Variants in RTN4RL1 observed in about 807,000 individuals in gnomAD.
The protein encoded by RTN4RL1 is reticulon-4 receptor-like 1.
Under a neutral mutation model 25.6 loss-of-function variants are expected in RTN4RL1, and 7 were observed. That is an observed-to-expected ratio of 0.27 (90% CI 0.16 to 0.51). RTN4RL1 has a LOEUF of 0.51. Ranked by LOEUF, RTN4RL1 falls within the 20% of genes least tolerant of loss-of-function variation. RTN4RL1 has a pLI of 0.97. For missense variants in RTN4RL1, 500 were observed against 615.6 expected (o/e 0.81, Z 1.99); for synonymous variants, 297 against 288.2 (o/e 1.03, Z -0.31).
At chr17:1,955,728 C>T (rs1915778615) in intron 1 of RTN4RL1, among the ~76,000 whole-genome samples, 1 of 151,732 alleles carries the variant, frequency 6.6e-6, no homozygotes, top group Admixed American at 6.6e-5. Flanking sequence ...GGATTACAGG[C>T]GCCCACCACC....
intron 1 of RTN4RL1, among the ~76,000 whole-genome samples, chr17:2,015,960 G>A (rs2067116733): frequency 6.6e-6 from 1 of 152,186 alleles, no homozygotes; most frequent in African/African-American, 2.4e-5. Flanking sequence ...CCTCCAAGCT[G>A]GAGGGGCGGC....
Position 1,936,432 on chromosome 17 carries a change from G to A in RTN4RL1, c.*64C>T, listed in dbSNP as rs1915304712. ...GCAGATCTTCCACTTGTTAAAAAAA[G>A]AAGAAAATAAATTCTGTTCCTTGGT... On this transcript the variant is annotated 3_prime_UTR_variant, in exon 2 of 2. Transcript: ENST00000331238. 2 of 1,471,776 alleles carry A rather than the reference G, an allele frequency of 1.4e-6. No homozygotes were observed. The highest frequency in any genetic ancestry group is 2.6e-5 in the Admixed American group (1 of 37,972). The allele number at this position is 1,471,776 out of a possible 1,614,324, so 91.2% of individuals were successfully genotyped here.
intron 1 of RTN4RL1, among the ~76,000 whole-genome samples, chr17:1,953,725 C>T (rs1203129862): frequency 2.0e-5 from 3 of 152,134 alleles, no homozygotes; most frequent in South Asian, 2.1e-4. Context: ...CCACCAAGCT[C>T]GGTTAATTTT....
At position 2,002,356 on chromosome 17, in the gene RTN4RL1, G is replaced by T. The variant is rs571318455; in HGVS notation, c.13+22497C>A. Among the ~76,000 whole-genome samples the T allele has an allele frequency of 1.0e-4, 15 of 149,548 alleles. No homozygotes were observed. The South Asian group carries it at 2.1e-3, about 21-fold the overall frequency. On this transcript the variant is annotated intron_variant, in intron 1 of 1. Transcript: ENST00000331238. ...CGCCCAGGCTGGAGTGCAGTGGCGC[G>T]ATCTCGGCTCACTGCAAGCTCCGCC... is the stretch of plus-strand genomic sequence containing the variant.
At chr17:1,937,832 C>T (rs1233994356) in intron 1 of RTN4RL1, 24 bp from the exon 2 acceptor site, 1 of 1,544,840 alleles carries the variant, frequency 6.5e-7, no homozygotes. Flanking sequence ...AGAGCACAGC[C>T]AGGTCAGGGG....
chr17:2,001,506 A>C (rs1181051460), intron 1 of RTN4RL1: 1 of 152,158 alleles, frequency 6.6e-6, no homozygotes, highest in Non-Finnish European at 1.5e-5. Context: ...TCGGCCTCCC[A>C]AAGTGCTGGG....
intron 1 of RTN4RL1, among the ~76,000 whole-genome samples, chr17:1,967,551 TCTTCGAGCC>T (rs529646805): frequency 3.6e-3 from 542 of 149,582 alleles, no homozygotes; most frequent in South Asian, 6.9e-3. Flanking sequence ...GGCCTCTCCC[TCTTCGAGCC>T]CTACACCTGG....
chr17:1,984,008 C>T (rs938708935), intron 1 of RTN4RL1, among the ~76,000 whole-genome samples: 8 of 152,162 alleles, frequency 5.3e-5, no homozygotes, highest in African/African-American at 1.7e-4. Context: ...GCCCTGAGGC[C>T]GAGGAAACCC....
rs145224128 is a variant in RTN4RL1, at chr17:1,961,500, G to A, written c.14-23692C>T. On this transcript the variant is annotated intron_variant, in intron 1 of 1. Transcript: ENST00000331238. ...TCCCACAGAGAGAACATTTAACACA[G>A]GTCTGGGAGTTGGGTTTGATACAAC... Among the ~76,000 whole-genome samples the A allele has an allele frequency of 5.3e-5, 8 of 152,212 alleles. No homozygotes were observed. The East Asian group carries it at 1.5e-3, about 29-fold the overall frequency.
chr17:2,021,552 T>C (rs1350865457), intron 1 of RTN4RL1, among the ~76,000 whole-genome samples: 1 of 36,752 alleles, frequency 2.7e-5, no homozygotes, highest in Non-Finnish European at 5.4e-5. Context: ...ATCCTATACC[T>C]TTTTTTTTTT....
chr17:1,945,507 A>T (rs4790846), intron 1 of RTN4RL1, among the ~76,000 whole-genome samples: 28,034 of 152,016 alleles, frequency 0.18, 2,652 homozygotes, highest in Admixed American at 0.2. Context: ...GGTGTGAGCC[A>T]CTGCGCCCAG....
In RTN4RL1 at chr17:2,007,337, A is replaced by ACACACACACACACACACAC. The variant is rs1352398594; in HGVS notation, c.13+17515_13+17516insGTGTGTGTGTGTGTGTGTG. ...AGACCTAGGCCATGTTCACAGCCCCAACACACACACACACACACACACACA... is the reference window on the plus strand; with the variant it reads ...AGACCTAGGCCATGTTCACAGCCCCACACACACACACACACACACACACACACACACACACACACACACA... On this transcript the variant is annotated intron_variant, in intron 1 of 1. Transcript: ENST00000331238. Among the ~76,000 whole-genome samples the ACACACACACACACACACAC allele has an allele frequency of 4.7e-4, 66 of 140,404 alleles. 1 individual carries two copies. The highest frequency in any genetic ancestry group is 1.4e-3 in the African/African-American group (52 of 36,936). 92.1% of individuals were successfully genotyped at this position (140,404 alleles called of 152,430 possible). A position where few individuals can be genotyped will look rare whatever the true frequency, so the allele number is the denominator to read the frequency against.
At chr17:2,021,745 G>C (rs2067207218) in intron 1 of RTN4RL1, among the ~76,000 whole-genome samples, 4 of 151,378 alleles carry the variant, frequency 2.6e-5, no homozygotes, top group African/African-American at 9.7e-5. Context: ...AGTAGAGACG[G>C]GGTTTCACCA....
intron 1 of RTN4RL1, among the ~76,000 whole-genome samples, chr17:1,975,773 T>C (rs1218904691): frequency 1.3e-5 from 2 of 152,130 alleles, no homozygotes; most frequent in African/African-American, 4.8e-5. Flanking sequence ...CCCTGCACCA[T>C]TTGCAGATTT....
chr17:1,936,938 A>C lies in RTN4RL1; in HGVS notation c.884T>G (p.Leu295Arg). Residue 295 changes from leucine to arginine, a missense_variant, in exon 2 of 2, where the codon CTG (leucine) becomes CGG (arginine). Coordinates refer to ENST00000331238, the MANE Select transcript of RTN4RL1 (RefSeq NM_178568.4). Reference sequence around the variant, plus strand: ...GTTCCGGAAGTCCTCGGCCCTCAGCAGCTTCAGGTCCTGGCCGTGCCGCAG... The same window carrying C: ...GTTCCGGAAGTCCTCGGCCCTCAGCCGCTTCAGGTCCTGGCCGTGCCGCAG... Reference protein sequence around the residue: ...PGLRHGQDLKLLRAEDFRNCT... With the variant: ...PGLRHGQDLKRLRAEDFRNCT... 1 of 1,610,346 alleles carries C rather than the reference A, an allele frequency of 6.2e-7. No individual in the cohort carries two copies. Among genetic ancestry groups the C allele is most frequent in the Non-Finnish European group, 8.5e-7 (1 of 1,179,166 alleles).
At chr17:1,949,721 A>G (rs1915636107) in intron 1 of RTN4RL1, among the ~76,000 whole-genome samples, 1 of 152,132 alleles carries the variant, frequency 6.6e-6, no homozygotes, top group South Asian at 2.1e-4. Flanking sequence ...TGGGGCCTAC[A>G]TTCTCCTGGG....
intron 1 of RTN4RL1, among the ~76,000 whole-genome samples, chr17:1,988,800 AG>A (rs1291239854): frequency 6.6e-6 from 1 of 150,816 alleles, no homozygotes; most frequent in Non-Finnish European, 1.5e-5. Context: ...GGAATTGTCC[AG>A]GTAAGCAGGC....
At chr17:1,992,083 T>C (rs991950191) in intron 1 of RTN4RL1, among the ~76,000 whole-genome samples, 5 of 151,984 alleles carry the variant, frequency 3.3e-5, no homozygotes, top group Admixed American at 1.3e-4. Context: ...AGAGTCCTCG[T>C]GCCGGGCGCA....
chr17:2,007,332 GCCCCAACACA>G (rs1567524143), intron 1 of RTN4RL1, among the ~76,000 whole-genome samples: 2 of 78,632 alleles, frequency 2.5e-5, no homozygotes, highest in African/African-American at 1.4e-4. Context: ...CATGTTCACA[GCCCCAACACA>G]CACACACACA....
Sources: gnomAD v4.1 joint callset for allele counts (sites outside exome capture counted in the v4.1 genomes callset) on GRCh38, gnomAD v4.1.1 for gene constraint, MANE v1.5 for transcripts, NCBI Gene and HGNC (gene_info 2026-07-23, HGNC 2026-07-21) for gene names.